APOL4: variants seen among roughly 807,000 people sequenced by gnomAD.
APOL4 encodes the protein apolipoprotein L, 4.
Under a neutral mutation model 12.1 loss-of-function variants are expected in APOL4, and 14 were observed. That is an observed-to-expected ratio of 1.16 (90% CI 0.76 to 1.81). APOL4 has a LOEUF of 1.81. APOL4 is among the 40% of genes most tolerant of loss of function. APOL4 has a pLI of 0.00. For missense variants in APOL4, 432 were observed against 423.1 expected, an observed-to-expected ratio of 1.02 and a Z score of -0.18; for synonymous variants, 171 against 160.6, an observed-to-expected ratio of 1.06 and a Z score of -0.49.
upstream of APOL4, among the ~76,000 whole-genome samples, chr22:36,203,018 C>T (rs1387768190): frequency 1.3e-5 from 2 of 152,196 alleles, no homozygotes; most frequent in Non-Finnish European, 2.9e-5. Context: ...TCTAAGCTCT[C>T]ACTCCTGTAG....
Position 36,197,019 on chromosome 22 carries a change from C to T in APOL4, c.83-1582G>A, listed in dbSNP as rs559993853. Among the ~76,000 whole-genome samples, 5 of 152,290 alleles carry T rather than the reference C, an allele frequency of 3.3e-5. No homozygotes were observed. In the South Asian group the frequency reaches 1.0e-3, roughly 32 times the overall value. On this transcript the variant is annotated intron_variant, in intron 2 of 3. Coordinates refer to ENST00000683024, the MANE Select transcript of APOL4 (RefSeq NM_001386885.1). ...CCCTCAGCACTGATCCTTGTGGCCC[C>T]TCCGTGTTGCCTCTGTCCCCTGCAG... is the stretch of plus-strand genomic sequence containing the variant.
rs1431483235 is a variant in APOL4 at position 36,191,120 on chromosome 22, A to T, written c.1002T>A (p.Asn334Lys). The T allele has an allele frequency of 6.2e-7, 1 of 1,610,440 alleles. No individual in the cohort carries two copies. The highest frequency in any genetic ancestry group is 8.5e-7 in the Non-Finnish European group (1 of 1,178,240). The change falls in exon 4 of 4, where the codon AAT becomes AAA. Residue 334 changes from asparagine (N) to lysine (K), a missense_variant. By Grantham distance (94) the Asn-to-Lys change is moderately conservative. Coordinates refer to ENST00000683024, the MANE Select transcript of APOL4 (RefSeq NM_001386885.1). ...GATGGATATGGGTGAGCTCATTGAG[A>T]TTCTCCTCCAGCTCCTGAGCCCACT... ...LRQWAQELEE[N>K]LNELTHIHQS... is the part of the protein sequence containing the mutation.
intron 1 of APOL4, 176 bp from the exon 2 acceptor site, chr22:36,199,552 C>T: frequency 6.3e-7 from 1 of 1,575,794 alleles, no homozygotes; most frequent in Non-Finnish European, 8.6e-7. Flanking sequence ...TACAGACACT[C>T]AACTCATTCC....
Position 36,200,413 on chromosome 22 carries a change from G to A in APOL4, c.36-1037C>T, listed in dbSNP as rs1410911506. Among the ~76,000 whole-genome samples the A allele has an allele frequency of 3.3e-5, 5 of 152,170 alleles. No individual in the cohort carries two copies. The East Asian group carries it at 5.8e-4, about 18-fold the overall frequency. ...TGGTGAATTCACTGGTGCTGCAGTG[G>A]ACAGCCTGTGTCCCCCTTGCTTCTC... On this transcript the variant is annotated intron_variant, in intron 1 of 3. Transcript: ENST00000683024.
chr22:36,189,757 C>A lies in APOL4; in HGVS notation c.*1318G>T. 1 of 152,996 alleles carries A rather than the reference C, an allele frequency of 6.5e-6. No homozygotes were observed. Among genetic ancestry groups the A allele is most frequent in the South Asian group, 1.8e-4 (1 of 5,454 alleles). 9.5% of individuals were successfully genotyped at this position (152,996 alleles called of 1,614,324 possible). A position where few individuals can be genotyped will look rare whatever the true frequency, so the allele number is the denominator to read the frequency against. ...GCTTCTTTCCATTCCCCACACTCTC[C>A]AGTCCCCTCTCCTCCCTTATTCCAG... On this transcript the variant is annotated 3_prime_UTR_variant, in exon 4 of 4. Coordinates refer to ENST00000683024, the MANE Select transcript of APOL4 (RefSeq NM_001386885.1).
intron 1 of APOL4, among the ~76,000 whole-genome samples, chr22:36,199,857 G>A (rs1485067877): frequency 1.3e-5 from 2 of 151,912 alleles, no homozygotes; most frequent in Non-Finnish European, 2.9e-5. Flanking sequence ...CGTCCAGGTG[G>A]AGTGCAGTGG....
At chr22:36,199,680 A>G in intron 1 of APOL4, 2 of 1,533,804 alleles carry the variant, frequency 1.3e-6, no homozygotes, top group South Asian at 1.2e-5. Context: ...TACACAGTCT[A>G]TACGCAGAAA....
chr22:36,199,707 C>T lies in APOL4; in HGVS notation c.36-331G>A, dbSNP rs555531144. On this transcript the variant is annotated intron_variant, in intron 1 of 3. Coordinates refer to ENST00000683024, the MANE Select transcript of APOL4 (RefSeq NM_001386885.1). ...ACGCAGAAATAGAGATGGGAAGGAA[C>T]GTTCTAACAATGACCGGAAACATGT... is the stretch of plus-strand genomic sequence containing the variant. The T allele has an allele frequency of 1.8e-5, 26 of 1,477,900 alleles. No homozygotes were observed. In the South Asian group the frequency reaches 1.9e-4, roughly 11 times the overall value. The allele number at this position is 1,477,900 out of a possible 1,614,324, so 91.5% of individuals were successfully genotyped here.
In APOL4 at chr22:36,200,858, A is replaced by G. The variant is rs1372891597; in HGVS notation, c.35+842T>C. ...CACAACATGTAAATTTGAGAACTAAATATCTTGTTATCAATACCAATTAGT... is the reference window on the plus strand; with the variant it reads ...CACAACATGTAAATTTGAGAACTAAGTATCTTGTTATCAATACCAATTAGT... On this transcript the variant is annotated intron_variant, in intron 1 of 3. Coordinates refer to ENST00000683024, the MANE Select transcript of APOL4 (RefSeq NM_001386885.1). 2.0e-5 allele frequency among the ~76,000 whole-genome samples: 3 copies of G among 152,344 alleles called. No homozygotes were observed. The East Asian group carries it at 5.8e-4, about 29-fold the overall frequency.
intron 3 of APOL4, among the ~76,000 whole-genome samples, chr22:36,193,465 A>C (rs4821462): frequency 0.58 from 88,791 of 152,144 alleles, 26,811 homozygotes; most frequent in East Asian, 0.82. Flanking sequence ...AAGCTTCACA[A>C]CTGAAACCCT....
At position 36,191,648 on chromosome 22, in the gene APOL4, T is replaced by C; in HGVS notation, c.474A>G (p.Ala158=). The C allele has an allele frequency of 6.2e-7, 1 of 1,613,966 alleles. No individual in the cohort carries two copies. Among genetic ancestry groups the C allele is most frequent in the South Asian group, 1.1e-5 (1 of 91,072 alleles). Residue 158 remains alanine (A), a synonymous_variant, in exon 4 of 4, where the codon GCA becomes GCG. Transcript: ENST00000683024. ...TCAGGCTCAGCCCTGCTGTAAATGG[T>C]GCCAACATAACGCCAATGACAGACA... The part of the protein sequence containing the change: ...GILSVIGVML[A]PFTAGLSLSI...
upstream of APOL4, among the ~76,000 whole-genome samples, chr22:36,202,910 CCAA>C (rs1172633278): frequency 1.3e-5 from 2 of 152,038 alleles, no homozygotes; most frequent in African/African-American, 4.8e-5. Context: ...AGACGGGAAG[CCAA>C]CATCTGCCCT....
chr22:36,202,525 A>T (rs2014613852), upstream of APOL4, among the ~76,000 whole-genome samples: 5 of 152,286 alleles, frequency 3.3e-5, no homozygotes, highest in South Asian at 1.0e-3. Context: ...CAGGAGATGG[A>T]GACCATCCTG....
intron 1 of APOL4, 48 bp from the exon 2 acceptor site, chr22:36,199,424 G>A: frequency 1.2e-6 from 2 of 1,613,572 alleles, no homozygotes; most frequent in Non-Finnish European, 1.7e-6. Context: ...AGCCACCTAT[G>A]GGCAAAGGGA....
rs374778049 is a variant in APOL4, at chr22:36,191,036, C to T, written c.*39G>A. 2 of 1,520,828 alleles carry T rather than the reference C, an allele frequency of 1.3e-6. No homozygotes were observed. Among genetic ancestry groups the T allele is most frequent in the Non-Finnish European group, 1.8e-6 (2 of 1,126,928 alleles). 94.2% of individuals were successfully genotyped at this position (1,520,828 alleles called of 1,614,324 possible). ...TCTTCTGCCATGGCTTCAGCCAGTC[C>T]CTCCGTTTGGGGTCCCTGACTTCCC... On this transcript the variant is annotated 3_prime_UTR_variant, in exon 4 of 4. Transcript: ENST00000683024.
intron 3 of APOL4, among the ~76,000 whole-genome samples, chr22:36,193,081 T>G (rs555512875): frequency 6.6e-6 from 1 of 152,356 alleles, no homozygotes; most frequent in East Asian, 1.9e-4. Context: ...CCCAGCTTGC[T>G]GTCTGAGCAC....
intron 3 of APOL4, 82 bp from the exon 4 acceptor site, chr22:36,191,994 A>G: frequency 4.2e-6 from 5 of 1,197,514 alleles, no homozygotes; most frequent in Non-Finnish European, 5.8e-6. Flanking sequence ...TTCTGCATAA[A>G]TCACAGAGCT....
chr22:36,191,315 A>G lies in APOL4; in HGVS notation c.807T>C (p.Val269=), dbSNP rs752735121. 4 of 1,614,072 alleles carry G rather than the reference A, an allele frequency of 2.5e-6. No individual in the cohort carries two copies. Among genetic ancestry groups the G allele is most frequent in the Non-Finnish European group, 3.4e-6 (4 of 1,179,894 alleles). ...GGGCCCCACGTGTTCTCAGTGTCTC[A>G]ACAACATTTATAGGTACATATCGCC... is the stretch of plus-strand genomic sequence containing the variant. ...IAWRYVPINV[V]ETLRTRGAPT... is the part of the protein sequence containing the mutation. Residue 269 remains valine (V), a synonymous_variant, in exon 4 of 4, where the codon GTT becomes GTC. Transcript: ENST00000683024.
chr22:36,196,492 A>G lies in APOL4; in HGVS notation c.83-1055T>C, dbSNP rs571866841. ...TACAAATGTTTCAACCAGGAAACCA[A>G]TGAATATTCACCTTAAGTGGCATAC... On this transcript the variant is annotated intron_variant, in intron 2 of 3. Transcript: ENST00000683024. Among the ~76,000 whole-genome samples the G allele has an allele frequency of 3.3e-5, 5 of 152,342 alleles. No individual in the cohort carries two copies. In the South Asian group the frequency reaches 1.0e-3, roughly 32 times the overall value.
Sources: gnomAD v4.1 joint callset for allele counts (sites outside exome capture counted in the v4.1 genomes callset) on GRCh38, gnomAD v4.1.1 for gene constraint, MANE v1.5 for transcripts, NCBI Gene and HGNC (gene_info 2026-07-23, HGNC 2026-07-21) for gene names.